Variants in SGCB observed in about 807,000 individuals in gnomAD.
SGCB encodes sarcoglycan beta, also known as beta-sarcoglycan.
SGCB carries 25 observed loss-of-function variants against 27.3 expected under a neutral mutation model. That is an observed-to-expected ratio of 0.92 (90% CI 0.67 to 1.28). The LOEUF (loss-of-function observed/expected upper bound fraction) is 1.28. Ranked by LOEUF, SGCB falls within the 50% of genes most tolerant of loss-of-function variation. SGCB has a pLI of 0.00. For missense variants in SGCB, 436 were observed against 402.1 expected, an observed-to-expected ratio of 1.08 and a Z score of -0.72; for synonymous variants, 147 against 133.5, an observed-to-expected ratio of 1.10 and a Z score of -0.70.
rs780688841 is a variant in SGCB at position 52,022,917 on chromosome 4, C to T, written c.*1040G>A. 1.2e-4 allele frequency: 19 copies of T among 152,164 alleles called. No homozygotes were observed. Among genetic ancestry groups the T allele is most frequent in the Non-Finnish European group, 2.5e-4 (17 of 68,022 alleles). 9.4% of individuals were successfully genotyped at this position (152,164 alleles called of 1,614,324 possible). On this transcript the variant is annotated 3_prime_UTR_variant, in exon 6 of 6. Coordinates refer to ENST00000381431, the MANE Select transcript of SGCB (RefSeq NM_000232.5). Reference sequence around the variant, plus strand: ...AGTGATTGGTCCTTTCTGGGTCTGACATGAGATTTATTTTCTTTTTAACTA... The same window carrying T: ...AGTGATTGGTCCTTTCTGGGTCTGATATGAGATTTATTTTCTTTTTAACTA...
At chr4:52,033,137 C>T (rs1302413363) in intron 2 of SGCB, among the ~76,000 whole-genome samples, 2 of 152,272 alleles carry the variant, frequency 1.3e-5, no homozygotes, top group East Asian at 3.9e-4. Context: ...TTGAGTTGAT[C>T]CTATCCTTAT....
chr4:52,035,375 C>T (rs1314652281), intron 1 of SGCB, among the ~76,000 whole-genome samples: 1 of 152,092 alleles, frequency 6.6e-6, no homozygotes, highest in Non-Finnish European at 1.5e-5. Context: ...ATAGTCTAGG[C>T]AATACACACT....
rs1284698487 is a variant in SGCB, at chr4:52,021,943, T to C, written c.*2014A>G. ...TATTTCCTGAACTACATTTAATAAATAATATTTTGTAATACAGTGTTTTCT... is the reference window on the plus strand; with the variant it reads ...TATTTCCTGAACTACATTTAATAAACAATATTTTGTAATACAGTGTTTTCT... On this transcript the variant is annotated 3_prime_UTR_variant, in exon 6 of 6. Coordinates refer to ENST00000381431, the MANE Select transcript of SGCB (RefSeq NM_000232.5). The C allele has an allele frequency of 6.6e-6, 1 of 152,184 alleles. No individual in the cohort carries two copies. The highest frequency in any genetic ancestry group is 2.4e-5 in the African/African-American group (1 of 41,454). The allele number at this position is 152,184 out of a possible 1,614,324, so 9.4% of individuals were successfully genotyped here. A position where few individuals can be genotyped will look rare whatever the true frequency, so the allele number is the denominator to read the frequency against.
chr4:52,031,351 C>CCTA lies in SGCB; in HGVS notation c.244-1491_244-1489dup, dbSNP rs1351408809. On this transcript the variant is annotated intron_variant, in intron 2 of 5. Coordinates refer to ENST00000381431, the MANE Select transcript of SGCB (RefSeq NM_000232.5). ...TTCTGTCTATCTACCTACCTACCTA[C>CCTA]CTACCTACCTATATCCATCTACCCA... is the stretch of plus-strand genomic sequence containing the variant. 1.3e-5 allele frequency among the ~76,000 whole-genome samples: 2 copies of CCTA among 151,270 alleles called. 1 individual carries two copies. The highest frequency in any genetic ancestry group is 2.9e-5 in the Non-Finnish European group (2 of 67,930).
chr4:52,027,350 A>G (rs865880267), intron 5 of SGCB, among the ~76,000 whole-genome samples: 3 of 152,066 alleles, frequency 2.0e-5, no homozygotes, highest in South Asian at 2.1e-4. Flanking sequence ...GCACAAAGAA[A>G]ATTCACTTTC....
Position 52,022,042 on chromosome 4 carries a change from C to T in SGCB, c.*1915G>A, listed in dbSNP as rs1240371894. ...ATAGAGCAGATAAGTAATGAATATGCAATTTAATTTATGGACCATCTGAAT... is the reference window on the plus strand; with the variant it reads ...ATAGAGCAGATAAGTAATGAATATGTAATTTAATTTATGGACCATCTGAAT... On this transcript the variant is annotated 3_prime_UTR_variant, in exon 6 of 6. Coordinates refer to ENST00000381431, the MANE Select transcript of SGCB (RefSeq NM_000232.5). 6.6e-6 allele frequency: 1 copy of T among 152,042 alleles called. No individual in the cohort carries two copies. Among genetic ancestry groups the T allele is most frequent in the Non-Finnish European group, 1.5e-5 (1 of 68,016 alleles). The allele number at this position is 152,042 out of a possible 1,614,324, so 9.4% of individuals were successfully genotyped here.
At chr4:52,028,635 C>CA (rs376318431) in intron 4 of SGCB, 95 bp downstream of exon 4, 34,344 of 785,122 alleles carry the variant, frequency 0.044, no homozygotes, top group East Asian at 0.05. Flanking sequence ...AACTCCGTCT[C>CA]AAAAAAAAAA....
At position 52,020,855 on chromosome 4, in the gene SGCB, A is replaced by T. The variant is rs191235935; in HGVS notation, c.*3102T>A. 6.5e-6 allele frequency: 1 copy of T among 152,704 alleles called. No homozygotes were observed. Among genetic ancestry groups the T allele is most frequent in the African/African-American group, 2.4e-5 (1 of 41,560 alleles). The allele number at this position is 152,704 out of a possible 1,614,324, so 9.5% of individuals were successfully genotyped here. A position where few individuals can be genotyped will look rare whatever the true frequency, so the allele number is the denominator to read the frequency against. On this transcript the variant is annotated 3_prime_UTR_variant, in exon 6 of 6. Coordinates refer to ENST00000381431, the MANE Select transcript of SGCB (RefSeq NM_000232.5). ...AATTTTTGCCCCCTCAATACTTTTA[A>T]GAAGACTGTTAAAATTTTCAGCATT...
At chr4:52,031,848 T>C (rs1178746091) in intron 2 of SGCB, 1 of 454,108 alleles carries the variant, frequency 2.2e-6, no homozygotes, top group South Asian at 1.6e-5. Flanking sequence ...AAGAGGGAAA[T>C]TACATGGCTT....
intron 5 of SGCB, 30 bp downstream of exon 5, chr4:52,027,938 A>G: frequency 6.3e-7 from 1 of 1,597,626 alleles, no homozygotes; most frequent in Non-Finnish European, 8.6e-7. Flanking sequence ...GAACCTAATA[A>G]TTCTCTTAAG....
chr4:52,023,707 CTT>C lies in SGCB; in HGVS notation c.*248_*249del. 2.2e-6 allele frequency: 1 copy of C among 452,252 alleles called. No individual in the cohort carries two copies. 28.0% of individuals were successfully genotyped at this position (452,252 alleles called of 1,614,324 possible). A position where few individuals can be genotyped will look rare whatever the true frequency, so the allele number is the denominator to read the frequency against. Reference sequence around the variant, plus strand: ...TTTAAAAACACGTCTTTAAACATGACTTTTGATTTTATTTGCTTCTCATAATT... The same window carrying C: ...TTTAAAAACACGTCTTTAAACATGACTTGATTTTATTTGCTTCTCATAATT... On this transcript the variant is annotated 3_prime_UTR_variant, in exon 6 of 6. Coordinates refer to ENST00000381431, the MANE Select transcript of SGCB (RefSeq NM_000232.5).
At chr4:52,032,759 T>C (rs908610036) in intron 2 of SGCB, among the ~76,000 whole-genome samples, 2 of 152,222 alleles carry the variant, frequency 1.3e-5, no homozygotes, top group Admixed American at 1.3e-4. Flanking sequence ...GTCTTAAGTA[T>C]ATCAATAATC....
At chr4:52,034,981 C>T (rs1427671411) in intron 1 of SGCB, among the ~76,000 whole-genome samples, 2 of 152,064 alleles carry the variant, frequency 1.3e-5, no homozygotes, top group African/African-American at 4.8e-5. Context: ...TGAATATAAC[C>T]CACATAAACC....
intron 4 of SGCB, 137 bp downstream of exon 4, chr4:52,028,593 G>A (rs1008086425): frequency 5.7e-5 from 37 of 647,742 alleles, no homozygotes; most frequent in South Asian, 3.2e-4. Flanking sequence ...TCGAGATCGC[G>A]CCACTGCACT....
At chr4:52,029,960 C>G in intron 2 of SGCB, 97 bp from the exon 3 acceptor site, 1 of 913,662 alleles carries the variant, frequency 1.1e-6, no homozygotes, top group Non-Finnish European at 1.8e-6. Context: ...TTAAAGACCT[C>G]CTAAAATGTT....
In SGCB at chr4:52,038,272, G is replaced by GC; in HGVS notation, c.-14dup. On this transcript the variant is annotated 5_prime_UTR_variant, in exon 1 of 6. Coordinates refer to ENST00000381431, the MANE Select transcript of SGCB (RefSeq NM_000232.5). ...CCGCTGCCGCCATCTTCCCGCGCCCGCCGCCGCCGAGCTCCCCGCCCGACT... is the reference window on the plus strand; with the variant it reads ...CCGCTGCCGCCATCTTCCCGCGCCCGCCCGCCGCCGAGCTCCCCGCCCGACT... The GC allele has an allele frequency of 7.8e-7, 1 of 1,289,366 alleles. No homozygotes were observed. The highest frequency in any genetic ancestry group is 2.5e-5 in the South Asian group (1 of 39,462). 79.9% of individuals were successfully genotyped at this position (1,289,366 alleles called of 1,614,324 possible).
At chr4:52,025,552 T>C (rs1737068757) in intron 5 of SGCB, among the ~76,000 whole-genome samples, 1 of 151,962 alleles carries the variant, frequency 6.6e-6, no homozygotes, top group African/African-American at 2.4e-5. Flanking sequence ...AGGAGATGAG[T>C]CAAAGAAATA....
chr4:52,028,465 G>GT (rs1737165439), intron 4 of SGCB, among the ~76,000 whole-genome samples: 1 of 152,066 alleles, frequency 6.6e-6, no homozygotes, highest in Admixed American at 6.6e-5. Context: ...GTGAAACCCC[G>GT]TCTCTACTAA....
rs1235498684 is a variant in SGCB, at chr4:52,028,811, G to A, written c.540C>T (p.Phe180=). The change falls in exon 4 of 6, where the codon TTC becomes TTT. Residue 180 remains phenylalanine (F), a synonymous_variant. Transcript: ENST00000381431. ...FFDPRTQNIL[F]STDYETHEFH... The stretch of plus-strand genomic sequence containing the variant: ...ACTCATGAGTTTCATAGTCTGTGCT[G>A]AATAAGATATTTTGAGTCCTCGGGT... 1.9e-6 allele frequency: 3 copies of A among 1,613,402 alleles called. No homozygotes were observed. The highest frequency in any genetic ancestry group is 2.7e-5 in the African/African-American group (2 of 74,866).
Sources: allele counts gnomAD v4.1 joint callset (sites outside exome capture counted in the v4.1 genomes callset), GRCh38; gene constraint gnomAD v4.1.1; transcripts MANE v1.5; gene names NCBI Gene and HGNC (gene_info 2026-07-23, HGNC 2026-07-21).